The following CCNYL1 variants were observed in gnomAD, a reference collection of about 807,000 sequenced individuals.
The protein encoded by CCNYL1 is cyclin Y like 1.
In CCNYL1, 16 loss-of-function variants were observed where a neutral mutation model predicts 44.2. The observed-to-expected ratio is 0.36, with a 90% confidence interval of 0.25 to 0.55. CCNYL1 has a LOEUF of 0.55. CCNYL1 is among the 20% of genes least tolerant of loss of function. The pLI is 0.85. For missense variants in CCNYL1, 348 were observed against 451.8 expected, an observed-to-expected ratio of 0.77 and a Z score of 2.08; for synonymous variants, 159 against 163.2, an observed-to-expected ratio of 0.97 and a Z score of 0.20.
chr2:207,735,735 C>T (rs775281223), intron 4 of CCNYL1, among the ~76,000 whole-genome samples: 3 of 152,062 alleles, frequency 2.0e-5, no homozygotes, highest in Non-Finnish European at 4.4e-5. Flanking sequence ...AGCGTGGTGG[C>T]GTGCACCTGT....
chr2:207,741,845 CAAA>C (rs556032064), intron 6 of CCNYL1, among the ~76,000 whole-genome samples: 11 of 112,446 alleles, frequency 9.8e-5, no homozygotes, highest in Non-Finnish European at 9.5e-5. Context: ...GACTGGGTCT[CAAA>C]AAAAAAAAAA....
At chr2:207,741,341 A>G (rs1393477310) in intron 6 of CCNYL1, among the ~76,000 whole-genome samples, 2 of 152,164 alleles carry the variant, frequency 1.3e-5, no homozygotes, top group African/African-American at 4.8e-5. Context: ...TTACATTTTG[A>G]TAGAATTCTG....
At chr2:207,740,071 C>T (rs1202887443) in intron 5 of CCNYL1, among the ~76,000 whole-genome samples, 3 of 152,194 alleles carry the variant, frequency 2.0e-5, no homozygotes, top group Non-Finnish European at 1.5e-5. Flanking sequence ...CAGAAGTCCA[C>T]AGACCACACT....
chr2:207,718,055 C>T (rs909211391), intron 1 of CCNYL1, among the ~76,000 whole-genome samples: 1 of 151,746 alleles, frequency 6.6e-6, no homozygotes, highest in African/African-American at 2.4e-5. Flanking sequence ...CAAGCACGTG[C>T]CACCACACCC....
chr2:207,746,129 A>G (rs967976935), intron 7 of CCNYL1, among the ~76,000 whole-genome samples: 2 of 152,196 alleles, frequency 1.3e-5, no homozygotes, highest in Admixed American at 6.5e-5. Context: ...GAGGAATACC[A>G]GGGGTCCAGA....
intron 5 of CCNYL1, among the ~76,000 whole-genome samples, chr2:207,738,873 C>T (rs768117025): frequency 6.6e-6 from 1 of 152,062 alleles, no homozygotes; most frequent in African/African-American, 2.4e-5. Flanking sequence ...ATACATACCA[C>T]CATACCAGCT....
chr2:207,714,937 T>TTA (rs1413427697), intron 1 of CCNYL1: 1 of 152,220 alleles, frequency 6.6e-6, no homozygotes. Context: ...TCAGACAATT[T>TTA]TATATCAGTC....
chr2:207,716,240 C>A (rs2091594231), intron 1 of CCNYL1, among the ~76,000 whole-genome samples: 1 of 151,994 alleles, frequency 6.6e-6, no homozygotes, highest in Non-Finnish European at 1.5e-5. Flanking sequence ...TATTCTTTTC[C>A]ACTGATGGGT....
intron 1 of CCNYL1, among the ~76,000 whole-genome samples, chr2:207,716,826 T>C (rs909892780): frequency 6.6e-6 from 1 of 152,164 alleles, no homozygotes; most frequent in African/African-American, 2.4e-5. Flanking sequence ...AATGTTCTTA[T>C]GGGCCAGGTG....
intron 8 of CCNYL1, among the ~76,000 whole-genome samples, chr2:207,748,818 C>A (rs888653761): frequency 4.6e-5 from 7 of 152,180 alleles, no homozygotes; most frequent in African/African-American, 1.7e-4. Flanking sequence ...GTTTACCGAA[C>A]AGCCCTAGTG....
At chr2:207,746,975 CAAA>C (rs74269714) in intron 7 of CCNYL1, 69 bp from the exon 8 acceptor site, 1,849 of 989,446 alleles carry the variant, frequency 1.9e-3, no homozygotes, top group South Asian at 3.0e-3. Context: ...AACTCCGTCT[CAAA>C]AAAAAAAAAA....
At chr2:207,743,015 C>A (rs2091822858) in intron 7 of CCNYL1, among the ~76,000 whole-genome samples, 1 of 152,174 alleles carries the variant, frequency 6.6e-6, no homozygotes. Flanking sequence ...TTGTTTTACT[C>A]CTCCCCACAG....
intron 1 of CCNYL1, among the ~76,000 whole-genome samples, chr2:207,721,028 A>G (rs1485337040): frequency 6.6e-6 from 1 of 152,154 alleles, no homozygotes; most frequent in Non-Finnish European, 1.5e-5. Context: ...CCATCAGGTA[A>G]GACTTACCTG....
intron 9 of CCNYL1, among the ~76,000 whole-genome samples, chr2:207,752,828 A>G (rs931616331): frequency 6.6e-6 from 1 of 151,988 alleles, no homozygotes; most frequent in African/African-American, 2.4e-5. Flanking sequence ...ACCTGAGGTC[A>G]GGAGTTTGAG....
intron 1 of CCNYL1, 114 bp from the exon 2 acceptor site, chr2:207,724,686 A>G (rs2091666502): frequency 6.8e-6 from 5 of 732,734 alleles, no homozygotes; most frequent in Non-Finnish European, 1.2e-5. Context: ...TATATTTATT[A>G]CTAAAAACTT....
At chr2:207,727,226 C>T (rs2091686626) in intron 3 of CCNYL1, among the ~76,000 whole-genome samples, 1 of 152,138 alleles carries the variant, frequency 6.6e-6, no homozygotes, top group African/African-American at 2.4e-5. Context: ...GACTTCCTGT[C>T]ATAACAAGTG....
chr2:207,750,263 A>C (rs2105841965), intron 8 of CCNYL1, among the ~76,000 whole-genome samples: 2 of 152,292 alleles, frequency 1.3e-5, no homozygotes, highest in Admixed American at 1.3e-4. Context: ...CCAAAGTTTA[A>C]AGAGTATCCT....
chr2:207,715,599 C>T lies in CCNYL1; in HGVS notation c.220+3483C>T, dbSNP rs372398050. On this transcript the variant is annotated intron_variant, in intron 1 of 9. Coordinates refer to ENST00000295414, the MANE Select transcript of CCNYL1 (RefSeq NM_001330218.2). ...TTCAGTATGTTGGCCAGGCTGGTCTCGAACTCCTGACCTCAAGCGATCCAG... is the reference window on the plus strand; with the variant it reads ...TTCAGTATGTTGGCCAGGCTGGTCTTGAACTCCTGACCTCAAGCGATCCAG... Among the ~76,000 whole-genome samples the T allele has an allele frequency of 8.1e-5, 12 of 149,052 alleles. No individual in the cohort carries two copies. The East Asian group carries it at 2.0e-3, about 25-fold the overall frequency.
At chr2:207,731,646 G>A (rs993642652) in intron 3 of CCNYL1, among the ~76,000 whole-genome samples, 1 of 152,050 alleles carries the variant, frequency 6.6e-6, no homozygotes, top group Non-Finnish European at 1.5e-5. Flanking sequence ...CATGATGGGG[G>A]AATTACCTGT....
Sources: allele counts gnomAD v4.1 joint callset (sites outside exome capture counted in the v4.1 genomes callset), GRCh38; gene constraint gnomAD v4.1.1; transcripts MANE v1.5; gene names NCBI Gene and HGNC (gene_info 2026-07-23, HGNC 2026-07-21).